The following PLSCR2 variants were observed in gnomAD, a reference collection of about 807,000 sequenced individuals.
PLSCR2 encodes PL scramblase 2.
A neutral mutation model predicts 25.3 loss-of-function variants in PLSCR2; 18 were observed. The ratio of observed to expected loss-of-function variants is 0.71; its 90% CI spans 0.49 to 1.06. PLSCR2 has a LOEUF of 1.06. PLSCR2 is among the 50% of genes least tolerant of loss of function. The pLI is 0.00. For missense variants in PLSCR2, 243 were observed against 269.5 expected, an observed-to-expected ratio of 0.90 and a Z score of 0.69; for synonymous variants, 88 against 87.3, an observed-to-expected ratio of 1.01 and a Z score of -0.04.
At chr3:146,400,341 T>C (rs563360830) in intron 2 of PLSCR2, among the ~76,000 whole-genome samples, 1 of 151,530 alleles carries the variant, frequency 6.6e-6, no homozygotes, top group Non-Finnish European at 1.5e-5. Flanking sequence ...ATATACTATA[T>C]ACAAGCAACA....
At position 146,493,983 on chromosome 3, in the gene PLSCR2, A is replaced by T. The variant is rs896111903; in HGVS notation, c.-293+1912T>A. Among the ~76,000 whole-genome samples, 5 of 152,066 alleles carry T rather than the reference A, an allele frequency of 3.3e-5. No individual in the cohort carries two copies. The East Asian group carries it at 7.7e-4, about 23-fold the overall frequency. On this transcript the variant is annotated intron_variant, in intron 1 of 8. Coordinates refer to the PLSCR2 transcript ENST00000336685. ...TGTTGATTACATCATGGCTACTGTG[A>T]CTACAGAGCTGTTGGTTTGCAAATC...
intron 3 of PLSCR2, among the ~76,000 whole-genome samples, chr3:146,394,300 T>G (rs1041906094): frequency 9.2e-5 from 14 of 152,102 alleles, no homozygotes; most frequent in African/African-American, 3.4e-4. Flanking sequence ...GGAGTTTCGC[T>G]CTTGTTGTCC....
intron 6 of PLSCR2, among the ~76,000 whole-genome samples, chr3:146,445,739 C>A (rs2108278824): frequency 6.6e-6 from 1 of 152,184 alleles, no homozygotes; most frequent in Non-Finnish European, 1.5e-5. Flanking sequence ...ACTTTCTACC[C>A]TTGTCTCTTT....
chr3:146,394,555 C>A (rs1028240550), intron 3 of PLSCR2, among the ~76,000 whole-genome samples: 2 of 152,134 alleles, frequency 1.3e-5, no homozygotes, highest in African/African-American at 4.8e-5. Flanking sequence ...TGTCAGCCAC[C>A]GTGCCTGGAC....
intron 2 of PLSCR2, among the ~76,000 whole-genome samples, chr3:146,409,387 C>T (rs1490651246): frequency 1.3e-5 from 2 of 148,504 alleles, no homozygotes; most frequent in Admixed American, 6.6e-5. Context: ...ACAGGGGGAG[C>T]GAGCCGGCTG....
chr3:146,462,468 C>CTT (rs35843946), upstream of PLSCR2, among the ~76,000 whole-genome samples: 4 of 144,974 alleles, frequency 2.8e-5, no homozygotes, highest in African/African-American at 1.0e-4. Flanking sequence ...TCTTTTCTTT[C>CTT]TTTTTTTTTT....
chr3:146,456,499 G>A (rs1351707517), intron 3 of PLSCR2, among the ~76,000 whole-genome samples: 1 of 152,042 alleles, frequency 6.6e-6, no homozygotes, highest in African/African-American at 2.4e-5. Context: ...ATTCCTCTGT[G>A]GTCATCTATT....
At chr3:146,395,133 A>G (rs1392115261) in intron 3 of PLSCR2, among the ~76,000 whole-genome samples, 2 of 152,218 alleles carry the variant, frequency 1.3e-5, no homozygotes, top group Non-Finnish European at 2.9e-5. Context: ...TTAAGTGAGG[A>G]TTAGGAAAAA....
chr3:146,463,046 C>T (rs2041689926), upstream of PLSCR2, among the ~76,000 whole-genome samples: 1 of 152,168 alleles, frequency 6.6e-6, no homozygotes, highest in African/African-American at 2.4e-5. Flanking sequence ...CAATCCTGAC[C>T]AGCAAATTTG....
At chr3:146,469,703 C>T (rs1460963317) in intron 1 of PLSCR2, 142 bp from the exon 1 acceptor site, 2 of 350,804 alleles carry the variant, frequency 5.7e-6, no homozygotes, top group Admixed American at 6.5e-5. Flanking sequence ...AGGCTTCCCT[C>T]CCCTGGTCCC....
chr3:146,426,462 T>G (rs1196043358), intron 2 of PLSCR2, among the ~76,000 whole-genome samples: 3 of 152,120 alleles, frequency 2.0e-5, no homozygotes, highest in Non-Finnish European at 4.4e-5. Flanking sequence ...TTGCCCAAAT[T>G]ACTGGGTTGA....
At chr3:146,493,562 C>G (rs556519609) in intron 1 of PLSCR2, among the ~76,000 whole-genome samples, 69 of 152,092 alleles carry the variant, frequency 4.5e-4, no homozygotes, top group Non-Finnish European at 9.4e-4. Flanking sequence ...ATAAAAAAGG[C>G]TTTTGATAAA....
upstream of PLSCR2, among the ~76,000 whole-genome samples, chr3:146,461,186 T>A (rs1403885965): frequency 2.0e-5 from 3 of 152,178 alleles, no homozygotes; most frequent in African/African-American, 7.2e-5. Context: ...AAAAATAATT[T>A]CAAGGGACTA....
At chr3:146,483,444 CACATGTATG>C (rs2043207599) in intron 1 of PLSCR2, among the ~76,000 whole-genome samples, 2 of 43,736 alleles carry the variant, frequency 4.6e-5, no homozygotes, top group African/African-American at 1.9e-4. Flanking sequence ...TATATATATA[CACATGTATG>C]TATATATATA....
chr3:146,425,893 C>T (rs761126024), intron 2 of PLSCR2, among the ~76,000 whole-genome samples: 10 of 152,048 alleles, frequency 6.6e-5, no homozygotes, highest in Non-Finnish European at 1.2e-4. Context: ...AAATTTTGTG[C>T]TGCATTAAAG....
At chr3:146,418,501 C>G (rs971666683) in intron 2 of PLSCR2, among the ~76,000 whole-genome samples, 2 of 152,028 alleles carry the variant, frequency 1.3e-5, no homozygotes, top group African/African-American at 4.8e-5. Context: ...GCATAGTTTC[C>G]CTGTTAGAGG....
At chr3:146,417,576 A>G (rs1042209756) in intron 2 of PLSCR2, among the ~76,000 whole-genome samples, 11 of 152,132 alleles carry the variant, frequency 7.2e-5, no homozygotes, top group African/African-American at 2.7e-4. Context: ...ATTATTTTAG[A>G]TGGGTCAGTT....
chr3:146,490,584 G>C (rs1278695709), intron 1 of PLSCR2, among the ~76,000 whole-genome samples: 1 of 151,482 alleles, frequency 6.6e-6, no homozygotes, highest in Non-Finnish European at 1.5e-5. Context: ...AAGTCTTTTT[G>C]TTGAATTGAA....
downstream of PLSCR2, among the ~76,000 whole-genome samples, chr3:146,438,471 A>G (rs1207591015): frequency 1.3e-5 from 2 of 152,188 alleles, no homozygotes; most frequent in Non-Finnish European, 2.9e-5. Flanking sequence ...TATTGGATGC[A>G]TATATATTTA....
Sources: gnomAD v4.1 joint callset for allele counts (sites outside exome capture counted in the v4.1 genomes callset) on GRCh38, gnomAD v4.1.1 for gene constraint, MANE v1.5 for transcripts, NCBI Gene and HGNC (gene_info 2026-07-23, HGNC 2026-07-21) for gene names.